NCKAP5: variants seen among roughly 807,000 people sequenced by gnomAD.
The protein encoded by NCKAP5 is nck-associated protein 5.
Under a neutral mutation model 167.0 loss-of-function variants are expected in NCKAP5, and 92 were observed. The observed-to-expected ratio is 0.55, with a 90% CI of 0.47 to 0.66. NCKAP5 has a LOEUF of 0.66. NCKAP5 is among the 30% of genes least tolerant of loss of function. NCKAP5 has a pLI of 0.00. For synonymous variants in NCKAP5, 891 were observed against 877.4 expected (o/e 1.02, Z -0.27); for missense variants, 2,378 against 2,315.0 (o/e 1.03, Z -0.56).
At chr2:132,694,258 C>T (rs992124124) in intron 19 of NCKAP5, among the ~76,000 whole-genome samples, 2 of 151,950 alleles carry the variant, frequency 1.3e-5, no homozygotes, top group Non-Finnish European at 1.5e-5. Context: ...AAAGATGCTT[C>T]ATTTGAAAAG....
At chr2:133,113,392 T>G (rs2081976945) in intron 6 of NCKAP5, among the ~76,000 whole-genome samples, 1 of 152,200 alleles carries the variant, frequency 6.6e-6, no homozygotes, top group Non-Finnish European at 1.5e-5. Flanking sequence ...CAAAAGCATT[T>G]AAAAATGTCA....
chr2:132,793,125 T>G (rs990655938), intron 12 of NCKAP5, among the ~76,000 whole-genome samples: 1 of 152,240 alleles, frequency 6.6e-6, no homozygotes, highest in African/African-American at 2.4e-5. Context: ...TTCTCCTGCC[T>G]CAGCCTTCCA....
chr2:132,868,623 T>C (rs1021308802), intron 10 of NCKAP5, among the ~76,000 whole-genome samples: 1 of 152,168 alleles, frequency 6.6e-6, no homozygotes, highest in Non-Finnish European at 1.5e-5. Flanking sequence ...TTTATAGGAA[T>C]TGGGAGAATT....
At chr2:132,718,123 G>A (rs994972995) in intron 19 of NCKAP5, among the ~76,000 whole-genome samples, 1 of 152,124 alleles carries the variant, frequency 6.6e-6, no homozygotes, top group South Asian at 2.1e-4. Context: ...CTGATTATAA[G>A]CACCTAGGGC....
At chr2:133,203,758 G>A (rs999534516) in intron 5 of NCKAP5, among the ~76,000 whole-genome samples, 5 of 152,046 alleles carry the variant, frequency 3.3e-5, no homozygotes, top group South Asian at 4.1e-4. Flanking sequence ...AAAAGAATAC[G>A]ATCTTTGGGA....
intron 1 of NCKAP5, among the ~76,000 whole-genome samples, chr2:133,561,823 G>A (rs377511118): frequency 6.6e-5 from 10 of 152,118 alleles, no homozygotes; most frequent in East Asian, 1.9e-4. Context: ...ATATGTCAAC[G>A]GGCTGTTGGA....
chr2:133,516,863 A>G (rs973942945), intron 3 of NCKAP5, among the ~76,000 whole-genome samples: 1 of 152,262 alleles, frequency 6.6e-6, no homozygotes, highest in East Asian at 1.9e-4. Flanking sequence ...CAGAGACTGC[A>G]GAAGAATAGC....
intron 3 of NCKAP5, among the ~76,000 whole-genome samples, chr2:133,488,234 T>C (rs1040331327): frequency 6.6e-6 from 1 of 152,174 alleles, no homozygotes; most frequent in Non-Finnish European, 1.5e-5. Flanking sequence ...TGTTTTTTGT[T>C]TGATTTTCTC....
At chr2:133,584,693 G>A in the NCKAP5 span, among the ~76,000 whole-genome samples, 2 of 152,262 alleles carry the variant, frequency 1.3e-5, no homozygotes, top group East Asian at 3.9e-4. Flanking sequence ...GAACCCAAGA[G>A]GTGGAGGTTG....
Position 133,564,526 on chromosome 2 carries a change from G to A in NCKAP5, c.-130+3690C>T, listed in dbSNP as rs145974477. ...TTCACTAGAATCTAGTGGCAGCAGC[G>A]GAAGGTAAAGAAATACTTTTAAAAT... On this transcript the variant is annotated intron_variant, in intron 1 of 19. Transcript: ENST00000409261. Among the ~76,000 whole-genome samples, 342 of 152,168 alleles carry A rather than the reference G, an allele frequency of 2.2e-3. 2 individuals are homozygous for A. Among genetic ancestry groups the A allele is most frequent in the African/African-American group, 7.7e-3 (320 of 41,518 alleles).
chr2:132,726,493 C>T (rs1188037771), intron 18 of NCKAP5, among the ~76,000 whole-genome samples: 1 of 152,194 alleles, frequency 6.6e-6, no homozygotes, highest in Admixed American at 6.5e-5. Context: ...ATACTGGATC[C>T]AGGAGCGCAA....
intron 7 of NCKAP5, among the ~76,000 whole-genome samples, chr2:132,977,351 G>A (rs1247110225): frequency 6.6e-6 from 1 of 152,104 alleles, no homozygotes; most frequent in Non-Finnish European, 1.5e-5. Flanking sequence ...AAAACCAATA[G>A]GATATTTGCA....
At chr2:132,765,604 A>G (rs1464027933) in intron 16 of NCKAP5, among the ~76,000 whole-genome samples, 1 of 146,462 alleles carries the variant, frequency 6.8e-6, no homozygotes, top group African/African-American at 2.5e-5. Flanking sequence ...TTTCCTATGC[A>G]TTTCTTAAAT....
intron 6 of NCKAP5, among the ~76,000 whole-genome samples, chr2:133,089,804 A>C (rs2081113670): frequency 1.3e-5 from 2 of 152,206 alleles, no homozygotes; most frequent in Admixed American, 6.5e-5. Flanking sequence ...AAAAGATCAT[A>C]ACACACCCAT....
chr2:133,150,836 C>T (rs2083362499), intron 5 of NCKAP5, among the ~76,000 whole-genome samples: 1 of 152,080 alleles, frequency 6.6e-6, no homozygotes, highest in Non-Finnish European at 1.5e-5. Context: ...GGAAACAACC[C>T]AAAGGTCCAT....
At chr2:133,640,931 T>C in the NCKAP5 span, among the ~76,000 whole-genome samples, 1 of 152,238 alleles carries the variant, frequency 6.6e-6, no homozygotes, top group Non-Finnish European at 1.5e-5. Context: ...ACTTTTATCA[T>C]AACACTTTTT....
the NCKAP5 span, among the ~76,000 whole-genome samples, chr2:133,621,854 T>C: frequency 2.0e-5 from 3 of 151,768 alleles, no homozygotes; most frequent in African/African-American, 7.3e-5. Context: ...CAAACCAATA[T>C]CCCTGATGAA....
chr2:133,259,641 A>G (rs2088804740), intron 4 of NCKAP5, among the ~76,000 whole-genome samples: 1 of 152,238 alleles, frequency 6.6e-6, no homozygotes, highest in South Asian at 2.1e-4. Context: ...CAAAATGTTG[A>G]ACAAGAAACC....
At chr2:133,578,433 G>C in the NCKAP5 span, among the ~76,000 whole-genome samples, 3 of 152,346 alleles carry the variant, frequency 2.0e-5, no homozygotes, top group East Asian at 5.8e-4. Context: ...GCACTGCATG[G>C]GTCCCTTGTC....
Sources: gnomAD v4.1 joint callset for allele counts (sites outside exome capture counted in the v4.1 genomes callset) on GRCh38, gnomAD v4.1.1 for gene constraint, MANE v1.5 for transcripts, NCBI Gene and HGNC (gene_info 2026-07-23, HGNC 2026-07-21) for gene names.